Variants in AR observed in about 807,000 individuals in gnomAD.
AR encodes the protein dihydrotestosterone receptor.
A neutral mutation model predicts 53.9 loss-of-function variants in AR; 8 were observed. The ratio of observed to expected loss-of-function variants is 0.15; its 90% confidence interval spans 0.09 to 0.27. The LOEUF is 0.27. AR is among the 10% of genes least tolerant of loss of function. The pLI, the probability that AR is intolerant of heterozygous loss-of-function variation, is 1.00. For synonymous variants in AR, 359 were observed against 316.4 expected (o/e 1.13, Z -1.43); for missense variants, 639 against 742.5 (o/e 0.86, Z 1.62).
chrX:67,631,387 A>T (rs1925101947), intron 1 of AR, among the ~76,000 whole-genome samples: 1 of 110,729 alleles, frequency 9.0e-6, no homozygotes, highest in African/African-American at 3.3e-5. Flanking sequence ...CATTTCATTC[A>T]TTTCATCTTC....
chrX:67,668,476 G>T (rs1304675477), intron 2 of AR, among the ~76,000 whole-genome samples: 1 of 110,963 alleles, frequency 9.0e-6, no homozygotes, highest in South Asian at 3.8e-4. Context: ...GTATTTTGTT[G>T]GGGATTTTTG....
At chrX:67,562,354 A>ATG (rs1159870003) in intron 1 of AR, among the ~76,000 whole-genome samples, 3 of 95,405 alleles carry the variant, frequency 3.1e-5, no homozygotes, top group African/African-American at 1.3e-4. Flanking sequence ...TATATGGTGT[A>ATG]TATGTGTGTG....
chrX:67,563,370 A>C (rs939256813), intron 1 of AR, among the ~76,000 whole-genome samples: 7 of 111,613 alleles, frequency 6.3e-5, no homozygotes, highest in African/African-American at 2.3e-4. Flanking sequence ...CAGTTTCTTC[A>C]TTTCTAAAAT....
chrX:67,560,508 T>C (rs1921251765), intron 1 of AR, among the ~76,000 whole-genome samples: 1 of 111,997 alleles, frequency 8.9e-6, no homozygotes, highest in South Asian at 3.7e-4. Context: ...TCCCTATTCT[T>C]CGTGCTTAAT....
At chrX:67,651,431 C>T (rs1926339349) in intron 2 of AR, among the ~76,000 whole-genome samples, 1 of 110,930 alleles carries the variant, frequency 9.0e-6, no homozygotes, top group South Asian at 3.8e-4. Flanking sequence ...AGAGGTTATT[C>T]TCTTGGTTTT....
At position 67,628,372 on chromosome X, in the gene AR, C is replaced by G. The variant is rs763185864; in HGVS notation, c.1617-14884C>G. 1.5e-3 allele frequency among the ~76,000 whole-genome samples: 147 copies of G among 98,075 alleles called. 1 individual carries two copies. The highest frequency in any genetic ancestry group is 4.8e-3 in the African/African-American group (143 of 29,709). 85.2% of individuals were successfully genotyped at this position (98,075 alleles called of 115,157 possible). A position where few individuals can be genotyped will look rare whatever the true frequency, so the allele number is the denominator to read the frequency against. On this transcript the variant is annotated intron_variant, in intron 1 of 7. Transcript: ENST00000374690. Reference sequence around the variant, plus strand: ...CTTCACATCCCTTGAAAGTTGGATTCCTAGGTATTTTATTCTCTTTGAAGC... The same window carrying G: ...CTTCACATCCCTTGAAAGTTGGATTGCTAGGTATTTTATTCTCTTTGAAGC...
At chrX:67,702,268 G>A (rs1438110355) in intron 3 of AR, among the ~76,000 whole-genome samples, 1 of 111,605 alleles carries the variant, frequency 9.0e-6, no homozygotes, top group African/African-American at 3.3e-5. Flanking sequence ...AAATGGTCTG[G>A]CAACTCCCGA....
intron 1 of AR, among the ~76,000 whole-genome samples, chrX:67,580,126 A>C (rs780475239): frequency 3.3e-4 from 36 of 109,164 alleles, no homozygotes; most frequent in African/African-American, 1.1e-3. Flanking sequence ...AGTTCATCTT[A>C]AGCATATGGC....
intron 1 of AR, among the ~76,000 whole-genome samples, chrX:67,589,156 G>A (rs898128390): frequency 7.2e-5 from 8 of 111,109 alleles, no homozygotes; most frequent in African/African-American, 2.3e-4. Context: ...CCAGCTACTC[G>A]GGAGGCTGAG....
rs182487128 is a variant in AR, at chrX:67,630,779, G to T, written c.1617-12477G>T. 5.4e-5 allele frequency among the ~76,000 whole-genome samples: 6 copies of T among 110,336 alleles called. No homozygotes were observed. In the Admixed American group the frequency reaches 5.8e-4, roughly 11 times the overall value. Reference sequence around the variant, plus strand: ...GCATGATTTTGCAGCGGCTGGTACCGGTCGTTCCTTTCCATGTTTAGTGCT... The same window carrying T: ...GCATGATTTTGCAGCGGCTGGTACCTGTCGTTCCTTTCCATGTTTAGTGCT... On this transcript the variant is annotated intron_variant, in intron 1 of 7. Transcript: ENST00000374690.
intron 1 of AR, among the ~76,000 whole-genome samples, chrX:67,603,363 C>T (rs1354488029): frequency 9.0e-6 from 1 of 111,535 alleles, no homozygotes; most frequent in Non-Finnish European, 1.9e-5. Context: ...ATATGGGTCA[C>T]ACTAACTCTA....
intron 1 of AR, among the ~76,000 whole-genome samples, chrX:67,552,754 C>T (rs1008843340): frequency 2.7e-5 from 3 of 111,802 alleles, no homozygotes; most frequent in African/African-American, 9.7e-5. Context: ...TGAAGTGGTA[C>T]CTCATTGTGG....
intron 2 of AR, among the ~76,000 whole-genome samples, chrX:67,651,275 C>CTGA (rs1926329563): frequency 9.3e-6 from 1 of 107,896 alleles, no homozygotes; most frequent in Admixed American, 1.0e-4. Flanking sequence ...TCTCGAACTC[C>CTGA]TGACCTCGTG....
chrX:67,645,954 A>G (rs1926037868), intron 2 of AR, among the ~76,000 whole-genome samples: 1 of 111,273 alleles, frequency 9.0e-6, no homozygotes, highest in African/African-American at 3.3e-5. Flanking sequence ...GCCTTTCTGG[A>G]GGTGGTTTTC....
intron 2 of AR, among the ~76,000 whole-genome samples, chrX:67,665,281 T>G (rs890950885): frequency 8.9e-6 from 1 of 112,683 alleles, no homozygotes; most frequent in Non-Finnish European, 1.9e-5. Context: ...GTTTCTAGTG[T>G]TACCACCCAC....
At chrX:67,633,782 C>T (rs893070671) in intron 1 of AR, among the ~76,000 whole-genome samples, 4 of 111,588 alleles carry the variant, frequency 3.6e-5, no homozygotes, top group African/African-American at 1.3e-4. Flanking sequence ...ACCTTGAAAA[C>T]ATTATGCTAG....
chrX:67,664,138 T>C (rs1016366728), intron 2 of AR, among the ~76,000 whole-genome samples: 5 of 112,369 alleles, frequency 4.4e-5, no homozygotes, highest in Admixed American at 1.9e-4. Flanking sequence ...TCATTCTCCA[T>C]CCAGCTTTGT....
chrX:67,568,712 G>A lies in AR; in HGVS notation c.1616+21950G>A, dbSNP rs142203082. 1.1e-3 allele frequency: 272 copies of A among 244,781 alleles called. 1 individual carries two copies. Among genetic ancestry groups the A allele is most frequent in the African/African-American group, 8.0e-3 (265 of 33,333 alleles). The allele number at this position is 244,781 out of a possible 1,213,427, so 20.2% of individuals were successfully genotyped here. ...CATTTGAATCTTGGCAATTAACAAGGCAGTAATTGGCATCAGGAGGGTATG... is the reference window on the plus strand; with the variant it reads ...CATTTGAATCTTGGCAATTAACAAGACAGTAATTGGCATCAGGAGGGTATG... On this transcript the variant is annotated intron_variant, in intron 1 of 7. Transcript: ENST00000374690.
At chrX:67,579,193 G>A (rs767329079) in intron 1 of AR, among the ~76,000 whole-genome samples, 1 of 111,729 alleles carries the variant, frequency 9.0e-6, no homozygotes, top group Non-Finnish European at 1.9e-5. Context: ...TAGTAGCAAC[G>A]TATTCTTTTA....
Sources: gnomAD v4.1 joint callset for allele counts (sites outside exome capture counted in the v4.1 genomes callset) on GRCh38, gnomAD v4.1.1 for gene constraint, MANE v1.5 for transcripts, NCBI Gene and HGNC (gene_info 2026-07-23, HGNC 2026-07-21) for gene names.